CA1: variants seen among roughly 807,000 people sequenced by gnomAD.
The protein encoded by CA1 is carbonic anhydrase 1.
Under a neutral mutation model 28.8 loss-of-function variants are expected in CA1, and 27 were observed. That is an observed-to-expected ratio of 0.94 (90% confidence interval 0.69 to 1.29). The LOEUF is 1.29. CA1 is among the 50% of genes most tolerant of loss of function. CA1 has a pLI of 0.00. For missense variants in CA1, 335 were observed against 310.5 expected (o/e 1.08, Z -0.59); for synonymous variants, 121 against 108.8 (o/e 1.11, Z -0.70).
At chr8:85,339,460 T>C (rs953116933) in intron 2 of CA1, among the ~76,000 whole-genome samples, 3 of 152,184 alleles carry the variant, frequency 2.0e-5, no homozygotes, top group African/African-American at 7.2e-5. Context: ...GACTGGCTAT[T>C]CCCCATCTAT....
intron 4 of CA1, 34 bp downstream of exon 4, chr8:85,336,911 G>T: frequency 8.0e-7 from 1 of 1,245,464 alleles, no homozygotes; most frequent in Non-Finnish European, 1.2e-6. Context: ...AGTACTCTCA[G>T]GGTAATTATC....
chr8:85,361,223 G>A (rs145444797), intron 1 of CA1, among the ~76,000 whole-genome samples: 1,547 of 152,206 alleles, frequency 0.01, 18 homozygotes, highest in Non-Finnish European at 0.016. Flanking sequence ...ATGACCCCTG[G>A]CTATCGATCT....
At chr8:85,376,706 T>TAAAA (rs201045450) in intron 1 of CA1, among the ~76,000 whole-genome samples, 13 of 138,090 alleles carry the variant, frequency 9.4e-5, no homozygotes, top group African/African-American at 2.5e-4. Flanking sequence ...AATAAATAAA[T>TAAAA]AAAACTAGGT....
At chr8:85,344,904 C>A (rs990935928) in intron 1 of CA1, among the ~76,000 whole-genome samples, 3 of 152,120 alleles carry the variant, frequency 2.0e-5, no homozygotes, top group Non-Finnish European at 4.4e-5. Flanking sequence ...AAAATAATGT[C>A]ATTGTTGACT....
At chr8:85,368,135 TA>T (rs911676662) in intron 1 of CA1, among the ~76,000 whole-genome samples, 2 of 151,570 alleles carry the variant, frequency 1.3e-5, no homozygotes, top group Non-Finnish European at 2.9e-5. Context: ...ATTTTAAAAT[TA>T]AAAAATTAAA....
intron 4 of CA1, among the ~76,000 whole-genome samples, chr8:85,336,424 G>A (rs1482792616): frequency 6.6e-6 from 1 of 152,106 alleles, no homozygotes; most frequent in Non-Finnish European, 1.5e-5. Context: ...CCTGAAATAA[G>A]TCACAAACTT....
rs147700528 is a variant in CA1, at chr8:85,372,709, C to A, written c.-25+5337G>T. On this transcript the variant is annotated intron_variant, in intron 1 of 7. Transcript: ENST00000523022. Reference sequence around the variant, plus strand: ...GTCCAAAATTATTAAATGGAAACTTCTAGAAATAAACAATACGTTTTCAAT... The same window carrying A: ...GTCCAAAATTATTAAATGGAAACTTATAGAAATAAACAATACGTTTTCAAT... 8.2e-3 allele frequency among the ~76,000 whole-genome samples: 1,242 copies of A among 152,262 alleles called. 17 individuals carry two copies. Among genetic ancestry groups the A allele is most frequent in the African/African-American group, 0.028 (1,166 of 41,550 alleles).
intron 6 of CA1, among the ~76,000 whole-genome samples, chr8:85,331,326 C>T (rs527323066): frequency 5.3e-5 from 8 of 151,938 alleles, no homozygotes; most frequent in Admixed American, 1.3e-4. Flanking sequence ...TTTATATGTA[C>T]GGCTTTTTTT....
At chr8:85,340,606 A>C (rs1222800682) in intron 2 of CA1, among the ~76,000 whole-genome samples, 1 of 152,206 alleles carries the variant, frequency 6.6e-6, no homozygotes, top group Non-Finnish European at 1.5e-5. Context: ...TGTAGTTCCC[A>C]TAGATAATAA....
chr8:85,335,651 A>G (rs1001602516), intron 4 of CA1, among the ~76,000 whole-genome samples: 1 of 152,206 alleles, frequency 6.6e-6, no homozygotes, highest in African/African-American at 2.4e-5. Flanking sequence ...CTCAATATCT[A>G]GCATGGATTA....
intron 1 of CA1, among the ~76,000 whole-genome samples, chr8:85,345,812 G>A (rs532563320): frequency 2.5e-4 from 38 of 152,154 alleles, no homozygotes; most frequent in East Asian, 3.9e-4. Context: ...GAAGTGACCC[G>A]TCTGTGTCTG....
intron 1 of CA1, among the ~76,000 whole-genome samples, chr8:85,367,637 G>A (rs970571027): frequency 5.3e-5 from 8 of 152,194 alleles, no homozygotes; most frequent in African/African-American, 1.9e-4. Context: ...CAGTAGGTCT[G>A]GGATGGAAGC....
In CA1 at chr8:85,338,257, C is replaced by G. The variant is rs1204622545; in HGVS notation, c.230G>C (p.Arg77Pro). 1.9e-6 allele frequency: 3 copies of G among 1,612,440 alleles called. No individual in the cohort carries two copies. The highest frequency in any genetic ancestry group is 2.5e-6 in the Non-Finnish European group (3 of 1,178,524). ...AGAAGGGTCTTTCAGCTCACCTGATCGGTTATCGTTGTCCTCAAAATTTAC... is the reference window on the plus strand; with the variant it reads ...AGAAGGGTCTTTCAGCTCACCTGATGGGTTATCGTTGTCCTCAAAATTTAC... The part of the protein sequence containing the change: ...FHVNFEDNDN[R>P]SVLKGGPFSD... The change falls in exon 3 of 8, where the codon CGA (arginine) becomes CCA (proline). Residue 77 changes from arginine to proline, a missense_variant. Physicochemically the swap from Arg to Pro is moderately radical, Grantham distance 103. Coordinates refer to ENST00000523022, the MANE Select transcript of CA1 (RefSeq NM_001128831.4).
chr8:85,338,398 G>C lies in CA1; in HGVS notation c.89C>G (p.Ser30Cys). 1 of 1,613,994 alleles carries C rather than the reference G, an allele frequency of 6.2e-7. No individual in the cohort carries two copies. Among genetic ancestry groups the C allele is most frequent in the Non-Finnish European group, 8.5e-7 (1 of 1,179,928 alleles). Reference protein sequence around the residue: ...LYPIANGNNQSPVDIKTSETK... With the variant: ...LYPIANGNNQCPVDIKTSETK... The stretch of plus-strand genomic sequence containing the variant: ...TTCACTGGTTTTAATATCAACAGGG[G>C]ACTGGTTATTTCCATTGGCAATGGG... The change falls in exon 3 of 8, where the codon TCC (serine) becomes TGC (cysteine). Residue 30 changes from serine (S) to cysteine (C), a missense_variant. Coordinates refer to ENST00000523022, the MANE Select transcript of CA1 (RefSeq NM_001128831.4).
chr8:85,332,555 G>A lies in CA1; in HGVS notation c.451-3C>T, dbSNP rs749947013. On this transcript the variant is annotated splice_region_variant and splice_polypyrimidine_tract_variant and intron_variant, in intron 5 of 7. Coordinates refer to ENST00000523022, the MANE Select transcript of CA1 (RefSeq NM_001128831.4). ...AGCTTTGGGTTGGCCTCACCAACCT[G>A]GAGATTTAAGAAAATAAAGTATGAG... The A allele has an allele frequency of 2.5e-6, 4 of 1,607,204 alleles. No individual in the cohort carries two copies. The highest frequency in any genetic ancestry group is 2.6e-6 in the Non-Finnish European group (3 of 1,174,098).
intron 1 of CA1, chr8:85,341,928 C>A: frequency 3.3e-6 from 1 of 299,584 alleles, no homozygotes; most frequent in Non-Finnish European, 6.2e-6. Flanking sequence ...AGTCCTGTTT[C>A]ACTCATGTTA....
intron 1 of CA1, among the ~76,000 whole-genome samples, chr8:85,362,835 CTT>C (rs758812292): frequency 1.3e-5 from 2 of 151,972 alleles, no homozygotes; most frequent in East Asian, 1.9e-4. Flanking sequence ...AGGCAGATAA[CTT>C]ATATTATTTT....
intron 1 of CA1, among the ~76,000 whole-genome samples, chr8:85,357,791 C>A (rs1809655578): frequency 1.3e-5 from 2 of 152,098 alleles, no homozygotes; most frequent in Admixed American, 1.3e-4. Context: ...TGAAATGAAA[C>A]CCCCAGGAGG....
chr8:85,373,701 G>A (rs1034705520), intron 1 of CA1, among the ~76,000 whole-genome samples: 44 of 152,176 alleles, frequency 2.9e-4, no homozygotes, highest in African/African-American at 8.4e-4. Context: ...GTCTTGTAAC[G>A]TATCCTCACA....
Sources: allele counts gnomAD v4.1 joint callset (sites outside exome capture counted in the v4.1 genomes callset), GRCh38; gene constraint gnomAD v4.1.1; transcripts MANE v1.5; gene names NCBI Gene and HGNC (gene_info 2026-07-23, HGNC 2026-07-21).